The following CRAMP1 variants were observed in gnomAD, a reference collection of about 807,000 sequenced individuals.
CRAMP1 encodes protein cramped-like.
Under a neutral mutation model 115.4 loss-of-function variants are expected in CRAMP1, and 50 were observed. The observed-to-expected ratio is 0.43, with a 90% CI of 0.35 to 0.55. CRAMP1 has a LOEUF of 0.55. Ranked by LOEUF, CRAMP1 falls within the 20% of genes least tolerant of loss-of-function variation. The pLI is 0.01. For synonymous variants in CRAMP1, 866 were observed against 745.4 expected, an observed-to-expected ratio of 1.16 and a Z score of -2.64; for missense variants, 1,679 against 1,721.7, an observed-to-expected ratio of 0.98 and a Z score of 0.44.
chr16:1,657,812 C>G (rs1327749436), intron 10 of CRAMP1, among the ~76,000 whole-genome samples: 2 of 152,194 alleles, frequency 1.3e-5, no homozygotes, highest in East Asian at 3.9e-4. Context: ...GGTCCCACGG[C>G]AGGTCCATCC....
Position 1,626,133 on chromosome 16 carries a change from G to A in CRAMP1, c.507G>A (p.Glu169=), listed in dbSNP as rs1271115580. The part of the protein sequence containing the change: ...VRRQWESWST[E]DKNTFFEGLY... ...GGCAGTGGGAGTCGTGGAGCACAGA[G>A]GACAAGAACACCTTCTTCGAGGGGC... The change falls in exon 3 of 21, where the codon GAG becomes GAA. Residue 169 remains glutamate (E), a synonymous_variant. Transcript: ENST00000397412. 33 of 1,539,792 alleles carry A rather than the reference G, an allele frequency of 2.1e-5. No homozygotes were observed. Among genetic ancestry groups the A allele is most frequent in the Non-Finnish European group, 2.6e-5 (30 of 1,140,072 alleles).
chr16:1,633,797 C>T (rs964043658), intron 4 of CRAMP1, among the ~76,000 whole-genome samples: 3 of 152,274 alleles, frequency 2.0e-5, no homozygotes, highest in Middle Eastern at 3.4e-3. Flanking sequence ...CCAGGCTGCG[C>T]GCGGTGGCTC....
chr16:1,670,883 A>G, intron 20 of CRAMP1, 74 bp downstream of exon 20: 2 of 1,442,080 alleles, frequency 1.4e-6, no homozygotes, highest in Non-Finnish European at 1.9e-6. Flanking sequence ...TCTCCTGCAC[A>G]CCTGTGGGTT....
At chr16:1,660,997 A>C (rs2036824238) in intron 11 of CRAMP1, among the ~76,000 whole-genome samples, 1 of 151,676 alleles carries the variant, frequency 6.6e-6, no homozygotes. Flanking sequence ...CAACGGAGCG[A>C]GACTCCATCT....
rs576643606 is a variant in CRAMP1, at chr16:1,657,383, G to C, written c.2235+391G>C. 3.9e-5 allele frequency among the ~76,000 whole-genome samples: 6 copies of C among 152,342 alleles called. 1 individual carries two copies. The East Asian group carries it at 1.2e-3, about 29-fold the overall frequency. On this transcript the variant is annotated intron_variant, in intron 10 of 20. Coordinates refer to ENST00000397412, the MANE Select transcript of CRAMP1 (RefSeq NM_020825.4). ...AGCCGCCTCGTGTTCCTGGGAGTCT[G>C]CCAAGCCCAATCATGCAGCTGAAGG...
At position 1,671,281 on chromosome 16, in the gene CRAMP1, G is replaced by A. The variant is rs1240738978; in HGVS notation, c.3645+472G>A. On this transcript the variant is annotated intron_variant, in intron 20 of 20. Coordinates refer to ENST00000397412, the MANE Select transcript of CRAMP1 (RefSeq NM_020825.4). The surrounding 1 kb of genome is among the most constrained non-coding windows in gnomAD (Gnocchi z 5.0). ...TGTTGAGCTGCGGTGCAGGGGAACT[G>A]GGATGGGCTCTGCTGTCCTCATGCT... is the stretch of plus-strand genomic sequence containing the variant. 6.6e-6 allele frequency among the ~76,000 whole-genome samples: 1 copy of A among 152,200 alleles called. No individual in the cohort carries two copies. The highest frequency in any genetic ancestry group is 2.4e-5 in the African/African-American group (1 of 41,456).
chr16:1,625,288 G>A (rs756057834), intron 2 of CRAMP1, among the ~76,000 whole-genome samples: 14 of 152,142 alleles, frequency 9.2e-5, no homozygotes, highest in Non-Finnish European at 1.5e-4. Flanking sequence ...CCACAGCTGG[G>A]GAATGAAGCC....
At chr16:1,652,905 G>C in intron 7 of CRAMP1, 128 bp from the exon 8 acceptor site, 1 of 1,147,564 alleles carries the variant, frequency 8.7e-7, no homozygotes, top group Non-Finnish European at 1.2e-6. Flanking sequence ...GGGTTTCTCT[G>C]CTCTCCTTGC....
chr16:1,644,132 C>T (rs779433729), intron 6 of CRAMP1, among the ~76,000 whole-genome samples: 9 of 152,174 alleles, frequency 5.9e-5, no homozygotes, highest in Non-Finnish European at 1.0e-4. Context: ...ACTCCTGGAC[C>T]GAGTGCTGGG....
intron 4 of CRAMP1, 139 bp downstream of exon 4, chr16:1,632,504 G>A (rs2036555232): frequency 1.1e-6 from 1 of 872,742 alleles, no homozygotes; most frequent in East Asian, 2.7e-5. Context: ...TCCTCGCCTT[G>A]CAGCGCTTTG....
chr16:1,633,579 C>T (rs971263485), intron 4 of CRAMP1, among the ~76,000 whole-genome samples: 1 of 152,234 alleles, frequency 6.6e-6, no homozygotes, highest in Non-Finnish European at 1.5e-5. Flanking sequence ...GATGCCTGTG[C>T]TGGTCTTCTC....
Position 1,655,527 on chromosome 16 carries a change from C to T in CRAMP1, c.1119+227C>T, listed in dbSNP as rs907471115. Among the ~76,000 whole-genome samples the T allele has an allele frequency of 1.1e-4, 16 of 152,302 alleles. 1 individual carries two copies. Among genetic ancestry groups the T allele is most frequent in the Middle Eastern group, 6.8e-3 (2 of 294 alleles). ...GAACTCAGTCACAGCCAGCCCTCCA[C>T]GATGTCAGTGGCCTGTGTCTGGCCC... On this transcript the variant is annotated intron_variant, in intron 9 of 20. Coordinates refer to ENST00000397412, the MANE Select transcript of CRAMP1 (RefSeq NM_020825.4).
intron 8 of CRAMP1, among the ~76,000 whole-genome samples, chr16:1,654,762 C>T (rs184723492): frequency 1.5e-4 from 23 of 152,364 alleles, no homozygotes; most frequent in Admixed American, 3.3e-4. Flanking sequence ...CAGAGGCCTC[C>T]GGGCCTGGCA....
chr16:1,644,411 G>A (rs555450264), intron 6 of CRAMP1, among the ~76,000 whole-genome samples: 13 of 152,324 alleles, frequency 8.5e-5, no homozygotes, highest in East Asian at 1.9e-4. Context: ...ATGGGTGCTC[G>A]TTATGCAGTG....
intron 2 of CRAMP1, among the ~76,000 whole-genome samples, chr16:1,619,872 C>T (rs1035574482): frequency 2.6e-5 from 4 of 152,224 alleles, no homozygotes; most frequent in South Asian, 4.1e-4. Context: ...CAGAGTCTGG[C>T]GACCCTGACC....
At chr16:1,636,757 G>A (rs1016589042) in intron 4 of CRAMP1, among the ~76,000 whole-genome samples, 15 of 152,258 alleles carry the variant, frequency 9.9e-5, no homozygotes, top group African/African-American at 3.4e-4. Flanking sequence ...TCACTGTCTC[G>A]TGGCAGAGAC....
intron 2 of CRAMP1, among the ~76,000 whole-genome samples, chr16:1,623,083 G>A (rs913387405): frequency 2.0e-5 from 3 of 152,148 alleles, no homozygotes; most frequent in African/African-American, 7.2e-5. Flanking sequence ...TTTTAGTAGA[G>A]ACAGGGTTTC....
chr16:1,648,333 G>A (rs1305444434), intron 6 of CRAMP1, among the ~76,000 whole-genome samples: 2 of 152,184 alleles, frequency 1.3e-5, no homozygotes, highest in East Asian at 3.8e-4. Flanking sequence ...CTTGAGCCGG[G>A]TACAGTGGCT....
chr16:1,636,432 T>G (rs1018651031), intron 4 of CRAMP1, among the ~76,000 whole-genome samples: 2 of 152,030 alleles, frequency 1.3e-5, no homozygotes, highest in Non-Finnish European at 2.9e-5. Context: ...GTCTTAGGTC[T>G]TTCTCTCAGA....
Sources: gnomAD v4.1 joint callset for allele counts (sites outside exome capture counted in the v4.1 genomes callset) on GRCh38, gnomAD v4.1.1 for gene constraint, Gnocchi (gnomAD v3.1) non-coding constraint, MANE v1.5 for transcripts, NCBI Gene and HGNC (gene_info 2026-07-23, HGNC 2026-07-21) for gene names.